Variants in NPAS3 observed in about 807,000 individuals in gnomAD.
NPAS3 encodes the protein neuronal PAS domain protein 3.
Under a neutral mutation model 73.1 loss-of-function variants are expected in NPAS3, and 14 were observed. That is an observed-to-expected ratio of 0.19 (90% confidence interval 0.13 to 0.30). NPAS3 has a LOEUF of 0.30. Among genes scored for constraint, NPAS3 ranks in the 10% least tolerant of loss-of-function variants. NPAS3 has a pLI of 1.00. For missense variants in NPAS3, 1,096 were observed against 1,250.0 expected, an observed-to-expected ratio of 0.88 and a Z score of 1.86; for synonymous variants, 620 against 541.5, an observed-to-expected ratio of 1.14 and a Z score of -2.01.
intron 4 of NPAS3, among the ~76,000 whole-genome samples, chr14:33,520,823 G>A (rs916558293): frequency 1.1e-4 from 17 of 152,262 alleles, no homozygotes; most frequent in African/African-American, 3.6e-4. Flanking sequence ...GAGGCAAGGC[G>A]AGGACCGCTG....
rs181074347 is a variant in NPAS3 at position 33,727,046 on chromosome 14, G to A, written c.734-8168G>A. Among the ~76,000 whole-genome samples, 6 of 152,256 alleles carry A rather than the reference G, an allele frequency of 3.9e-5. No individual in the cohort carries two copies. In the East Asian group the frequency reaches 9.7e-4, roughly 25 times the overall value. ...AGCAAGGAAAAGGCAGAATGCATGT[G>A]TGTGTGTTTGCAAGTGCCTCTGTAA... On this transcript the variant is annotated intron_variant, in intron 6 of 11. Coordinates refer to ENST00000356141, the Ensembl canonical transcript of NPAS3.
intron 3 of NPAS3, among the ~76,000 whole-genome samples, chr14:33,290,960 C>A (rs1351743314): frequency 6.6e-6 from 1 of 151,734 alleles, no homozygotes; most frequent in African/African-American, 2.4e-5. Context: ...TTGGATCTTG[C>A]CCCACTTTTT....
intron 2 of NPAS3, among the ~76,000 whole-genome samples, chr14:33,150,285 G>A (rs1035531164): frequency 6.6e-6 from 1 of 152,144 alleles, no homozygotes; most frequent in East Asian, 1.9e-4. Flanking sequence ...ACCTGCTGAG[G>A]TTTAAGAGAT....
At chr14:33,751,660 T>C (rs902747001) in intron 7 of NPAS3, among the ~76,000 whole-genome samples, 4 of 152,212 alleles carry the variant, frequency 2.6e-5, no homozygotes, top group Admixed American at 2.6e-4. Context: ...GAATATACCA[T>C]TTAGTAAAAC....
At chr14:33,475,869 G>A (rs988889189) in intron 4 of NPAS3, among the ~76,000 whole-genome samples, 7 of 152,170 alleles carry the variant, frequency 4.6e-5, no homozygotes, top group African/African-American at 1.7e-4. Context: ...ATGGACCAGA[G>A]TGAAATAAAT....
chr14:33,793,584 A>T (rs763073044), intron 9 of NPAS3, among the ~76,000 whole-genome samples: 10 of 152,246 alleles, frequency 6.6e-5, no homozygotes, highest in Admixed American at 3.9e-4. Flanking sequence ...CATTGACAAT[A>T]TCCACACCGC....
At chr14:33,444,540 C>T (rs932672450) in intron 4 of NPAS3, among the ~76,000 whole-genome samples, 1 of 152,188 alleles carries the variant, frequency 6.6e-6, no homozygotes, top group African/African-American at 2.4e-5. Context: ...ATAAAGACAT[C>T]TTGGTCTAAA....
At chr14:33,413,289 A>C (rs1272042767) in intron 4 of NPAS3, among the ~76,000 whole-genome samples, 1 of 146,994 alleles carries the variant, frequency 6.8e-6, no homozygotes, top group Non-Finnish European at 1.5e-5. Context: ...TTCTTTTTTA[A>C]TTTCATTTGC....
chr14:33,760,088 C>A (rs1395380079), intron 7 of NPAS3, among the ~76,000 whole-genome samples: 1 of 152,116 alleles, frequency 6.6e-6, no homozygotes, highest in African/African-American at 2.4e-5. Context: ...CCTGCCCTTC[C>A]CATCTCAGTA....
At chr14:33,519,994 A>T (rs1454399206) in intron 4 of NPAS3, among the ~76,000 whole-genome samples, 2 of 152,000 alleles carry the variant, frequency 1.3e-5, no homozygotes, top group Non-Finnish European at 2.9e-5. Flanking sequence ...GCCCAGCCAG[A>T]TCTGAAGCCT....
intron 5 of NPAS3, among the ~76,000 whole-genome samples, chr14:33,670,411 T>C (rs970077642): frequency 2.6e-5 from 4 of 152,102 alleles, no homozygotes; most frequent in African/African-American, 9.7e-5. Flanking sequence ...AGTCAGCAAA[T>C]ACATAGAATG....
chr14:33,116,478 T>A (rs566507104), intron 2 of NPAS3, among the ~76,000 whole-genome samples: 1 of 152,150 alleles, frequency 6.6e-6, no homozygotes, highest in Non-Finnish European at 1.5e-5. Context: ...ATTTATTTGA[T>A]AGACTGCATA....
chr14:33,433,897 TAAAA>T (rs1439340852), intron 4 of NPAS3, among the ~76,000 whole-genome samples: 2 of 152,206 alleles, frequency 1.3e-5, no homozygotes, highest in East Asian at 3.8e-4. Flanking sequence ...AACAGTTTAA[TAAAA>T]CATACTAGGC....
chr14:33,079,358 G>A lies in NPAS3; in HGVS notation c.140+23364G>A, dbSNP rs1450048061. On this transcript the variant is annotated intron_variant, in intron 2 of 11. Transcript: ENST00000356141. ...TTTTGAGACAGAGTCTTGCTCTGTC[G>A]CCCAGGCTGGAGTGCAGTGGCATGA... Among the ~76,000 whole-genome samples the A allele has an allele frequency of 6.8e-5, 9 of 131,430 alleles. No individual in the cohort carries two copies. The East Asian group carries it at 9.9e-4, about 14-fold the overall frequency. 86.2% of individuals were successfully genotyped at this position (131,430 alleles called of 152,430 possible).
chr14:33,272,902 A>G (rs2041160009), intron 3 of NPAS3, among the ~76,000 whole-genome samples: 1 of 152,206 alleles, frequency 6.6e-6, no homozygotes, highest in African/African-American at 2.4e-5. Context: ...AATTTTACAA[A>G]GCAGAATTAT....
At chr14:33,413,481 T>C (rs965359193) in intron 4 of NPAS3, among the ~76,000 whole-genome samples, 22 of 152,236 alleles carry the variant, frequency 1.4e-4, no homozygotes, top group African/African-American at 5.3e-4. Context: ...ATATTGATTT[T>C]CCTGCCTTTG....
intron 9 of NPAS3, among the ~76,000 whole-genome samples, chr14:33,791,504 A>G (rs1240313728): frequency 6.6e-6 from 1 of 152,182 alleles, no homozygotes; most frequent in Non-Finnish European, 1.5e-5. Flanking sequence ...GTAATTCAAA[A>G]AGATGACACC....
chr14:33,441,548 G>T (rs890529781), intron 4 of NPAS3, among the ~76,000 whole-genome samples: 1 of 152,138 alleles, frequency 6.6e-6, no homozygotes, highest in Non-Finnish European at 1.5e-5. Context: ...TTTGAAGGCA[G>T]CCCATCCTAT....
At chr14:33,677,620 A>G (rs763853319) in intron 6 of NPAS3, among the ~76,000 whole-genome samples, 55 of 4,880 alleles carry the variant, frequency 0.011, no homozygotes, top group African/African-American at 0.012. Context: ...CACAGAAGGA[A>G]AAAAAAAAAA....
Sources: allele counts gnomAD v4.1 joint callset (sites outside exome capture counted in the v4.1 genomes callset), GRCh38; gene constraint gnomAD v4.1.1; transcripts MANE v1.5; gene names NCBI Gene and HGNC (gene_info 2026-07-23, HGNC 2026-07-21).